The following FSTL4 variants were observed in gnomAD, a reference collection of about 807,000 sequenced individuals.
The protein encoded by FSTL4 is follistatin-related protein 4.
FSTL4 carries 28 observed loss-of-function variants against 78.2 expected under a neutral mutation model. The observed-to-expected ratio is 0.36, with a 90% confidence interval of 0.27 to 0.49. The LOEUF (loss-of-function observed/expected upper bound fraction) is 0.49. Among genes scored for constraint, FSTL4 ranks in the 20% least tolerant of loss-of-function variants. The pLI is 0.98. For synonymous variants in FSTL4, 422 were observed against 440.5 expected, an observed-to-expected ratio of 0.96 and a Z score of 0.53; for missense variants, 922 against 1,084.9, an observed-to-expected ratio of 0.85 and a Z score of 2.11.
At chr5:133,506,185 A>G (rs998313201) in intron 3 of FSTL4, among the ~76,000 whole-genome samples, 7 of 152,232 alleles carry the variant, frequency 4.6e-5, no homozygotes, top group Admixed American at 2.0e-4. Context: ...TTGATTGTCC[A>G]GGGATTTGTG....
At chr5:133,573,289 T>C (rs1760202185) in intron 2 of FSTL4, among the ~76,000 whole-genome samples, 1 of 150,796 alleles carries the variant, frequency 6.6e-6, no homozygotes, top group African/African-American at 2.4e-5. Context: ...AAATAAAAAA[T>C]AAAACACACA....
chr5:133,328,105 G>A (rs1203190613), intron 4 of FSTL4, among the ~76,000 whole-genome samples: 2 of 152,192 alleles, frequency 1.3e-5, no homozygotes, highest in Non-Finnish European at 2.9e-5. Context: ...GGCTTGACAT[G>A]GCCTTTTACC....
At chr5:133,323,002 G>C (rs1017425692) in intron 4 of FSTL4, among the ~76,000 whole-genome samples, 2 of 152,206 alleles carry the variant, frequency 1.3e-5, no homozygotes, top group African/African-American at 4.8e-5. Flanking sequence ...CTTGTTGAAT[G>C]AGAGGACCAG....
chr5:133,289,596 G>C (rs781220411), intron 6 of FSTL4, among the ~76,000 whole-genome samples: 5 of 152,208 alleles, frequency 3.3e-5, no homozygotes, highest in Non-Finnish European at 5.9e-5. Flanking sequence ...TGAAGGAAAA[G>C]GCCTCTAAGA....
the FSTL4 span, among the ~76,000 whole-genome samples, chr5:133,771,833 T>C: frequency 6.6e-6 from 1 of 152,220 alleles, no homozygotes; most frequent in Non-Finnish European, 1.5e-5. Flanking sequence ...TTTGTGAAGA[T>C]CAGATGAACC....
the FSTL4 span, among the ~76,000 whole-genome samples, chr5:133,785,162 C>T: frequency 2.8e-4 from 43 of 152,202 alleles, no homozygotes; most frequent in Non-Finnish European, 4.9e-4. Context: ...GTCTTACAAA[C>T]CATGCTGGGC....
chr5:133,291,647 T>A (rs537844781), intron 6 of FSTL4, among the ~76,000 whole-genome samples: 67 of 151,864 alleles, frequency 4.4e-4, no homozygotes, highest in Non-Finnish European at 7.9e-4. Context: ...GAGGGAGAGG[T>A]CCGGAGGGCC....
At chr5:133,760,821 T>C in the FSTL4 span, among the ~76,000 whole-genome samples, 1 of 152,184 alleles carries the variant, frequency 6.6e-6, no homozygotes, top group Non-Finnish European at 1.5e-5. Flanking sequence ...CCACAGGCAA[T>C]ATTTGCTCAG....
chr5:133,724,476 T>C, the FSTL4 span, among the ~76,000 whole-genome samples: 1 of 151,042 alleles, frequency 6.6e-6, no homozygotes, highest in Non-Finnish European at 1.5e-5. Context: ...TGTTTATTCA[T>C]TGTTTTTTGT....
chr5:133,272,432 C>T (rs1752788077), intron 6 of FSTL4, among the ~76,000 whole-genome samples: 1 of 152,272 alleles, frequency 6.6e-6, no homozygotes, highest in African/African-American at 2.4e-5. Context: ...GCGCGTGCAG[C>T]GCCGTGACGT....
chr5:133,298,635 T>C (rs933605405), intron 6 of FSTL4, among the ~76,000 whole-genome samples: 2 of 152,258 alleles, frequency 1.3e-5, no homozygotes, highest in Non-Finnish European at 2.9e-5. Flanking sequence ...TCCTAACCTG[T>C]TGGCTTTGTG....
rs1288874553 is a variant in FSTL4, at chr5:133,236,840, T to G, written c.895-3303A>C. ...CCTAACCTCTTCCCCACACCCTGCTTGGCGCCTCCTGTGGACGCACTGCTG... is the reference window on the plus strand; with the variant it reads ...CCTAACCTCTTCCCCACACCCTGCTGGGCGCCTCCTGTGGACGCACTGCTG... On this transcript the variant is annotated intron_variant, in intron 7 of 15. Coordinates refer to ENST00000265342, the MANE Select transcript of FSTL4 (RefSeq NM_015082.2). The surrounding 1 kb of genome is among the most constrained non-coding windows in gnomAD (Gnocchi z 5.0). Among the ~76,000 whole-genome samples the G allele has an allele frequency of 6.6e-6, 1 of 152,224 alleles. No individual in the cohort carries two copies. Among genetic ancestry groups the G allele is most frequent in the Non-Finnish European group, 1.5e-5 (1 of 68,040 alleles).
At chr5:133,369,133 C>T (rs1339372211) in intron 4 of FSTL4, among the ~76,000 whole-genome samples, 1 of 152,184 alleles carries the variant, frequency 6.6e-6, no homozygotes, top group Admixed American at 6.5e-5. Flanking sequence ...ACATGGCCTG[C>T]TGAATACCAC....
intron 1 of FSTL4, among the ~76,000 whole-genome samples, chr5:133,606,171 AG>A (rs1760973285): frequency 6.6e-6 from 1 of 152,206 alleles, no homozygotes; most frequent in South Asian, 2.1e-4. Context: ...CCTGCGCTGG[AG>A]TTCAATGGTG....
chr5:133,794,860 A>C, the FSTL4 span, among the ~76,000 whole-genome samples: 1 of 152,146 alleles, frequency 6.6e-6, no homozygotes, highest in African/African-American at 2.4e-5. Context: ...ATCCATCACC[A>C]GCCACCCTTG....
the FSTL4 span, among the ~76,000 whole-genome samples, chr5:133,629,140 C>T: frequency 1.7e-4 from 25 of 150,918 alleles, 1 homozygote; most frequent in Non-Finnish European, 2.9e-4. Context: ...TTTTGAAATA[C>T]GTTGCATCAA....
intron 4 of FSTL4, among the ~76,000 whole-genome samples, chr5:133,374,085 A>C (rs1755378746): frequency 6.6e-6 from 1 of 152,118 alleles, no homozygotes; most frequent in Non-Finnish European, 1.5e-5. Flanking sequence ...CCATGTCCTG[A>C]GTGGTAACTT....
the FSTL4 span, among the ~76,000 whole-genome samples, chr5:133,750,782 T>A: frequency 6.6e-6 from 1 of 152,066 alleles, no homozygotes; most frequent in Non-Finnish European, 1.5e-5. Context: ...GTCACCCCTA[T>A]GATTAGTCCT....
the FSTL4 span, among the ~76,000 whole-genome samples, chr5:133,723,153 T>C: frequency 2.6e-5 from 4 of 152,260 alleles, no homozygotes; most frequent in South Asian, 8.3e-4. Flanking sequence ...TGGGATGTGA[T>C]GTACAGTTTT....
Sources: gnomAD v4.1 joint callset for allele counts (sites outside exome capture counted in the v4.1 genomes callset) on GRCh38, gnomAD v4.1.1 for gene constraint, Gnocchi (gnomAD v3.1) non-coding constraint, MANE v1.5 for transcripts, NCBI Gene and HGNC (gene_info 2026-07-23, HGNC 2026-07-21) for gene names.